PRKAR1B: variants seen among roughly 807,000 people sequenced by gnomAD.
PRKAR1B encodes the protein cAMP-dependent protein kinase type I-beta regulatory subunit.
In PRKAR1B, 22 loss-of-function variants were observed where a neutral mutation model predicts 46.5. The observed-to-expected ratio is 0.47, with a 90% confidence interval of 0.34 to 0.68. The LOEUF (loss-of-function observed/expected upper bound fraction) is 0.68, where lower values mean the gene tolerates loss of function less well. Ranked by LOEUF, PRKAR1B falls within the 30% of genes least tolerant of loss-of-function variation. The probability of loss-of-function intolerance (pLI) is 0.01; values close to 1 mark genes in which losing one functional copy is unlikely to be tolerated. For missense variants in PRKAR1B, 445 were observed against 535.6 expected (o/e 0.83, Z 1.67); for synonymous variants, 259 against 217.7 (o/e 1.19, Z -1.67).
At chr7:582,020 A>AT (rs1583242094) in intron 8 of PRKAR1B, among the ~76,000 whole-genome samples, 1 of 152,132 alleles carries the variant, frequency 6.6e-6, no homozygotes, top group African/African-American at 2.4e-5. Context: ...TGTCCAGCTA[A>AT]TTTTTTATTT....
chr7:680,062 G>A (rs1042591034), intron 3 of PRKAR1B, among the ~76,000 whole-genome samples: 4 of 151,726 alleles, frequency 2.6e-5, no homozygotes, highest in South Asian at 2.1e-4. Flanking sequence ...GGAGGCTGAG[G>A]CAGGAGAATG....
Position 702,606 on chromosome 7 carries a change from G to A in PRKAR1B, c.177+8723C>T, listed in dbSNP as rs541113870. ...TGGGAGGCCGAGGCAGGCGGATCAC[G>A]AGGTCAGGAGATCGAGACCATCCTG... is the stretch of plus-strand genomic sequence containing the variant. On this transcript the variant is annotated intron_variant, in intron 2 of 10. Transcript: ENST00000537384. Among the ~76,000 whole-genome samples, 45 of 152,218 alleles carry A rather than the reference G, an allele frequency of 3.0e-4. 1 individual carries two copies. In the East Asian group the frequency reaches 7.5e-3, roughly 25 times the overall value.
intron 4 of PRKAR1B, among the ~76,000 whole-genome samples, chr7:637,641 C>CTGAGGTCAGGAGA (rs1256985144): frequency 6.6e-6 from 1 of 151,954 alleles, no homozygotes; most frequent in East Asian, 1.9e-4. Context: ...CGAGACCAGC[C>CTGAGGTCAGGAGA]TGGCCAACAT....
At chr7:562,589 C>A (rs930597582) in intron 9 of PRKAR1B, among the ~76,000 whole-genome samples, 5 of 152,200 alleles carry the variant, frequency 3.3e-5, no homozygotes, top group African/African-American at 4.8e-5. Context: ...GTGGGCCAAG[C>A]CCCGGCCTCC....
chr7:709,194 C>T (rs930748729), intron 2 of PRKAR1B, among the ~76,000 whole-genome samples: 12 of 140,990 alleles, frequency 8.5e-5, no homozygotes, highest in Non-Finnish European at 1.8e-4. Flanking sequence ...CTTAGTATAA[C>T]ATTATGCAGT....
chr7:638,664 C>G (rs1046451597), intron 4 of PRKAR1B, among the ~76,000 whole-genome samples: 5 of 152,230 alleles, frequency 3.3e-5, no homozygotes, highest in African/African-American at 1.2e-4. Flanking sequence ...CTTCGAAATA[C>G]TGCTGAGAAG....
At chr7:712,473 G>C in intron 1 of PRKAR1B, 1 of 147,814 alleles carries the variant, frequency 6.8e-6, no homozygotes, top group East Asian at 2.0e-4. Flanking sequence ...GCGCGGGGAC[G>C]GCTGGCGAGC....
At chr7:643,210 T>C (rs1320181777) in intron 4 of PRKAR1B, among the ~76,000 whole-genome samples, 2 of 151,652 alleles carry the variant, frequency 1.3e-5, no homozygotes, top group African/African-American at 4.9e-5. Context: ...CATGCCATCT[T>C]CAAACTGCAT....
chr7:594,834 G>A (rs777149505), intron 7 of PRKAR1B, among the ~76,000 whole-genome samples: 26 of 152,040 alleles, frequency 1.7e-4, no homozygotes, highest in Non-Finnish European at 3.1e-4. Flanking sequence ...CCTAGACCAT[G>A]AGGAGTCCCC....
At chr7:673,697 G>A (rs1043877112) in intron 4 of PRKAR1B, among the ~76,000 whole-genome samples, 4 of 151,928 alleles carry the variant, frequency 2.6e-5, no homozygotes, top group African/African-American at 7.3e-5. Context: ...GACTCCTCCT[G>A]GTGACCAGGT....
intron 4 of PRKAR1B, among the ~76,000 whole-genome samples, chr7:658,495 T>G (rs1785327375): frequency 6.6e-6 from 1 of 152,142 alleles, no homozygotes; most frequent in Non-Finnish European, 1.5e-5. Context: ...ATCTGATGGC[T>G]GAGGTTTGCT....
intron 4 of PRKAR1B, among the ~76,000 whole-genome samples, chr7:609,646 A>G (rs1449157035): frequency 6.6e-6 from 1 of 152,226 alleles, no homozygotes; most frequent in East Asian, 1.9e-4. Context: ...CCCTTTCACA[A>G]TTCTATTCTC....
At chr7:551,120 G>C (rs148332061) in intron 10 of PRKAR1B, among the ~76,000 whole-genome samples, 10,923 of 152,158 alleles carry the variant, frequency 0.072, 475 homozygotes, top group Non-Finnish European at 0.089. Flanking sequence ...CCTCATCCCA[G>C]AAGCAGGAGG....
chr7:628,817 G>GCTCACC, intron 4 of PRKAR1B, among the ~76,000 whole-genome samples: 11 of 132,966 alleles, frequency 8.3e-5, no homozygotes, highest in Non-Finnish European at 1.6e-4. Flanking sequence ...GAAATTCCTC[G>GCTCACC]CCCACCCCCA....
rs764069617 is a variant in PRKAR1B at position 680,643 on chromosome 7, CG to C, written c.260del (p.Pro87ArgfsTer5). ...SHDEEVSPTP[P>X]NPVVKARRRR... ...GGCGGCGGGCCTTCACCACAGGGTT[CG>C]GGGGGGTGGGCGACACCTCCTCATC... On this transcript the variant is annotated frameshift_variant, in exon 3 of 11. Coordinates refer to ENST00000537384, the MANE Select transcript of PRKAR1B (RefSeq NM_001164760.2). LOFTEE classifies it high-confidence loss of function. 4 of 1,160,126 alleles carry C rather than the reference CG, an allele frequency of 3.4e-6. No homozygotes were observed. The highest frequency in any genetic ancestry group is 3.2e-5 in the African/African-American group (2 of 63,038). 71.9% of individuals were successfully genotyped at this position (1,160,126 alleles called of 1,614,324 possible). A position where few individuals can be genotyped will look rare whatever the true frequency, so the allele number is the denominator to read the frequency against.
chr7:583,848 A>AC (rs150909948), intron 8 of PRKAR1B, among the ~76,000 whole-genome samples: 265 of 151,350 alleles, frequency 1.8e-3, no homozygotes, highest in Middle Eastern at 3.4e-3. Flanking sequence ...GTGCACACTC[A>AC]CCCCCACACA....
At chr7:642,732 CA>C (rs1248939007) in intron 4 of PRKAR1B, among the ~76,000 whole-genome samples, 4,942 of 74,112 alleles carry the variant, frequency 0.067, 139 homozygotes, top group African/African-American at 0.11. Flanking sequence ...GACTCCGTCT[CA>C]AAAAAAAAAA....
intron 9 of PRKAR1B, among the ~76,000 whole-genome samples, chr7:563,160 G>A (rs1778911554): frequency 6.6e-6 from 1 of 152,154 alleles, no homozygotes; most frequent in Admixed American, 6.5e-5. Context: ...GCAGCCACCA[G>A]GGCAGGTGCA....
chr7:691,794 G>A (rs1221896498), intron 2 of PRKAR1B: 23 of 1,191,048 alleles, frequency 1.9e-5, no homozygotes, highest in South Asian at 1.7e-4. Context: ...CACCTCCTGC[G>A]GAGGACGGCG....
Sources: allele counts gnomAD v4.1 joint callset (sites outside exome capture counted in the v4.1 genomes callset), GRCh38; gene constraint gnomAD v4.1.1; transcripts MANE v1.5; gene names NCBI Gene and HGNC (gene_info 2026-07-23, HGNC 2026-07-21).